The following HPSE2 variants were observed in gnomAD, a reference collection of about 807,000 sequenced individuals.
HPSE2 encodes heparanase 2 (inactive).
In HPSE2, 38 loss-of-function variants were observed where a neutral mutation model predicts 60.5. The observed-to-expected ratio is 0.63, with a 90% confidence interval of 0.48 to 0.82. The LOEUF (loss-of-function observed/expected upper bound fraction) is 0.82, where lower values mean the gene tolerates loss of function less well. Ranked by LOEUF, HPSE2 falls within the 40% of genes least tolerant of loss-of-function variation. HPSE2 has a pLI of 0.00. For synonymous variants in HPSE2, 295 were observed against 293.2 expected, an observed-to-expected ratio of 1.01 and a Z score of -0.06; for missense variants, 713 against 740.4, an observed-to-expected ratio of 0.96 and a Z score of 0.43.
chr10:99,173,521 A>G (rs1564867469), intron 2 of HPSE2, among the ~76,000 whole-genome samples: 1 of 151,592 alleles, frequency 6.6e-6, no homozygotes, highest in Admixed American at 6.6e-5. Context: ...ACTTTAGTAA[A>G]TTTTATTTGA....
chr10:98,820,168 A>T (rs761359390), intron 3 of HPSE2, among the ~76,000 whole-genome samples: 13 of 152,138 alleles, frequency 8.5e-5, no homozygotes, highest in Non-Finnish European at 1.8e-4. Context: ...TACTTTTCAG[A>T]TACTGAAGAC....
chr10:98,949,684 T>G (rs749732595), intron 3 of HPSE2, among the ~76,000 whole-genome samples: 2 of 152,166 alleles, frequency 1.3e-5, no homozygotes, highest in Non-Finnish European at 2.9e-5. Context: ...TTTCTATCAT[T>G]TGAAATAAAA....
intron 9 of HPSE2, among the ~76,000 whole-genome samples, chr10:98,524,755 G>A (rs192205448): frequency 5.3e-5 from 8 of 152,296 alleles, no homozygotes; most frequent in Admixed American, 2.0e-4. Context: ...AAATACATAT[G>A]TGTGTATTAT....
intron 3 of HPSE2, among the ~76,000 whole-genome samples, chr10:99,071,624 T>A (rs1234377613): frequency 6.6e-6 from 1 of 152,366 alleles, no homozygotes; most frequent in East Asian, 1.9e-4. Flanking sequence ...TGGTGTCATA[T>A]CCAAGAAACC....
the HPSE2 span, among the ~76,000 whole-genome samples, chr10:99,302,052 G>A: frequency 1.3e-5 from 2 of 151,944 alleles, no homozygotes; most frequent in Admixed American, 6.6e-5. Flanking sequence ...TAATCCTGAT[G>A]TTGAGTGGTT....
intron 2 of HPSE2, among the ~76,000 whole-genome samples, chr10:99,190,521 T>C (rs1479920889): frequency 6.6e-6 from 1 of 152,186 alleles, no homozygotes; most frequent in African/African-American, 2.4e-5. Flanking sequence ...AGAGTTCATA[T>C]ATATGTCTGT....
chr10:99,020,431 C>A (rs1339829667), intron 3 of HPSE2, among the ~76,000 whole-genome samples: 2 of 152,188 alleles, frequency 1.3e-5, no homozygotes, highest in African/African-American at 4.8e-5. Flanking sequence ...GGTCTCCTGG[C>A]TCCCAGCCCA....
intron 3 of HPSE2, among the ~76,000 whole-genome samples, chr10:98,883,760 C>T (rs972754209): frequency 2.6e-5 from 4 of 152,076 alleles, no homozygotes; most frequent in South Asian, 2.1e-4. Flanking sequence ...ACTATGATTG[C>T]ACCACTGCAC....
At chr10:98,945,515 T>C (rs1955154691) in intron 3 of HPSE2, among the ~76,000 whole-genome samples, 1 of 152,140 alleles carries the variant, frequency 6.6e-6, no homozygotes, top group African/African-American at 2.4e-5. Flanking sequence ...TCCATCAACA[T>C]AATGAAATAA....
At chr10:99,088,781 C>G (rs1360643624) in intron 3 of HPSE2, among the ~76,000 whole-genome samples, 1 of 152,160 alleles carries the variant, frequency 6.6e-6, no homozygotes, top group African/African-American at 2.4e-5. Flanking sequence ...AATCTCCACA[C>G]TGTTTTCTGT....
At chr10:99,075,243 T>C (rs1287122348) in intron 3 of HPSE2, among the ~76,000 whole-genome samples, 2 of 152,130 alleles carry the variant, frequency 1.3e-5, no homozygotes, top group African/African-American at 4.8e-5. Flanking sequence ...TTCATTTCTC[T>C]CAAGATATTT....
At chr10:99,298,681 CT>C in the HPSE2 span, among the ~76,000 whole-genome samples, 255 of 122,262 alleles carry the variant, frequency 2.1e-3, 1 homozygote, top group Middle Eastern at 8.5e-3. Flanking sequence ...TTTTTTTTTT[CT>C]TTTTTTTTTT....
At chr10:99,149,612 G>A (rs532365201) in intron 2 of HPSE2, among the ~76,000 whole-genome samples, 1 of 152,292 alleles carries the variant, frequency 6.6e-6, no homozygotes, top group East Asian at 1.9e-4. Flanking sequence ...TTCAACAAGT[G>A]CCAGATGTTT....
intron 3 of HPSE2, among the ~76,000 whole-genome samples, chr10:98,864,672 A>C (rs186814268): frequency 6.6e-6 from 1 of 152,220 alleles, no homozygotes; most frequent in Non-Finnish European, 1.5e-5. Context: ...TCACAAACAC[A>C]AGCTGCCCTT....
At position 98,693,821 on chromosome 10, in the gene HPSE2, T is replaced by C. The variant is rs1483447184; in HGVS notation, c.1004+79A>G. On this transcript the variant is annotated intron_variant, in intron 6 of 11. Coordinates refer to ENST00000370552, the MANE Select transcript of HPSE2 (RefSeq NM_021828.5). Reference sequence around the variant, plus strand: ...GAAGGATAGCTTATTAAATGTCAGTTATGAACTTAGTGACAACTAATTATC... The same window carrying C: ...GAAGGATAGCTTATTAAATGTCAGTCATGAACTTAGTGACAACTAATTATC... The C allele has an allele frequency of 2.6e-6, 3 of 1,142,918 alleles. No homozygotes were observed. The African/African-American group carries it at 4.6e-5, about 17-fold the overall frequency. The allele number at this position is 1,142,918 out of a possible 1,614,324, so 70.8% of individuals were successfully genotyped here.
intron 8 of HPSE2, among the ~76,000 whole-genome samples, chr10:98,617,293 A>G (rs1356604986): frequency 6.6e-6 from 1 of 152,212 alleles, no homozygotes; most frequent in Non-Finnish European, 1.5e-5. Flanking sequence ...TTGAGAAGAT[A>G]TTAAAAAACG....
chr10:99,013,033 G>T, intron 3 of HPSE2: 1 of 442,346 alleles, frequency 2.3e-6, no homozygotes, highest in East Asian at 5.4e-5. Context: ...ATCTTTAATT[G>T]CTGCAGCTTT....
intron 3 of HPSE2, among the ~76,000 whole-genome samples, chr10:99,089,240 C>T (rs1208437800): frequency 6.6e-6 from 1 of 152,192 alleles, no homozygotes; most frequent in Non-Finnish European, 1.5e-5. Context: ...GTCATAAACT[C>T]TTTGCATAAG....
intron 3 of HPSE2, among the ~76,000 whole-genome samples, chr10:99,141,278 GGTGA>G (rs1161046131): frequency 1.3e-5 from 2 of 151,930 alleles, no homozygotes; most frequent in Admixed American, 1.3e-4. Context: ...CGCCCCCATA[GGTGA>G]GTCAGTGGGA....
Sources: gnomAD v4.1 joint callset for allele counts (sites outside exome capture counted in the v4.1 genomes callset) on GRCh38, gnomAD v4.1.1 for gene constraint, MANE v1.5 for transcripts, NCBI Gene and HGNC (gene_info 2026-07-23, HGNC 2026-07-21) for gene names.